The following GRAP2 variants were observed in gnomAD, a reference collection of about 807,000 sequenced individuals.
The protein encoded by GRAP2 is GRB2-related adapter protein 2.
GRAP2 carries 31 observed loss-of-function variants against 43.5 expected under a neutral mutation model. That is an observed-to-expected ratio of 0.71 (90% CI 0.54 to 0.96). GRAP2 has a LOEUF of 0.96. GRAP2 is among the 40% of genes least tolerant of loss of function. The pLI, the probability that GRAP2 is intolerant of heterozygous loss-of-function variation, is 0.00. For missense variants in GRAP2, 371 were observed against 424.4 expected (o/e 0.87, Z 1.11); for synonymous variants, 156 against 164.8 (o/e 0.95, Z 0.41).
intron 1 of GRAP2, among the ~76,000 whole-genome samples, chr22:39,933,280 A>G (rs2066774384): frequency 6.6e-6 from 1 of 152,244 alleles, no homozygotes; most frequent in Non-Finnish European, 1.5e-5. Flanking sequence ...AACCTGCACA[A>G]CCATACATAG....
intron 1 of GRAP2, among the ~76,000 whole-genome samples, chr22:39,906,885 A>G (rs932796480): frequency 4.6e-5 from 7 of 152,338 alleles, no homozygotes; most frequent in Middle Eastern, 3.4e-3. Flanking sequence ...ACTCTTTCTA[A>G]ATAACTAGGA....
chr22:39,927,811 T>C (rs1388295518), intron 1 of GRAP2, among the ~76,000 whole-genome samples: 1 of 152,144 alleles, frequency 6.6e-6, no homozygotes. Context: ...TACAACAGGG[T>C]AAGGGGACCC....
chr22:39,941,949 G>A (rs2066875739), intron 1 of GRAP2, among the ~76,000 whole-genome samples: 1 of 152,046 alleles, frequency 6.6e-6, no homozygotes, highest in Non-Finnish European at 1.5e-5. Context: ...ACAGTGTGCA[G>A]AGCTGGAGGG....
intron 1 of GRAP2, among the ~76,000 whole-genome samples, chr22:39,905,656 A>G (rs1229018500): frequency 3.3e-5 from 5 of 152,188 alleles, no homozygotes; most frequent in African/African-American, 4.8e-5. Flanking sequence ...TAACTCGTCT[A>G]CTTCTTCTAA....
chr22:39,894,096 GAA>G, the GRAP2 span, among the ~76,000 whole-genome samples: 2 of 148,008 alleles, frequency 1.4e-5, no homozygotes, highest in Admixed American at 1.4e-4. Flanking sequence ...ATTAAAAAAA[GAA>G]AAAAAATGCC....
chr22:39,960,264 C>A, intron 4 of GRAP2, 90 bp downstream of exon 4: 2 of 1,269,108 alleles, frequency 1.6e-6, no homozygotes, highest in Non-Finnish European at 2.3e-6. Flanking sequence ...TGGAATATGA[C>A]CCAATGGTCA....
intron 1 of GRAP2, among the ~76,000 whole-genome samples, chr22:39,918,891 C>T (rs1305431505): frequency 1.3e-5 from 2 of 152,136 alleles, no homozygotes; most frequent in East Asian, 3.8e-4. Context: ...ATTTTTATGG[C>T]CATAGTTAAA....
chr22:39,938,676 C>T (rs914346097), intron 1 of GRAP2, among the ~76,000 whole-genome samples: 1 of 152,256 alleles, frequency 6.6e-6, no homozygotes, highest in Admixed American at 6.5e-5. Context: ...CTCCTGCCCA[C>T]GCCTCGGTAT....
chr22:39,915,775 T>G (rs1263963279), intron 1 of GRAP2, among the ~76,000 whole-genome samples: 1 of 152,192 alleles, frequency 6.6e-6, no homozygotes, highest in African/African-American at 2.4e-5. Flanking sequence ...TATTACTGTA[T>G]TATATGACTT....
intron 1 of GRAP2, among the ~76,000 whole-genome samples, chr22:39,915,266 G>T (rs983728186): frequency 2.7e-5 from 4 of 150,782 alleles, no homozygotes; most frequent in Non-Finnish European, 5.9e-5. Context: ...TGTTCTGAAA[G>T]CCACCCTTTT....
At chr22:39,919,752 G>A (rs1218664532) in intron 1 of GRAP2, among the ~76,000 whole-genome samples, 1 of 152,192 alleles carries the variant, frequency 6.6e-6, no homozygotes, top group Non-Finnish European at 1.5e-5. Context: ...TATTTACTAA[G>A]CATCTATCTT....
At chr22:39,952,838 A>C (rs1433134941) in intron 2 of GRAP2, among the ~76,000 whole-genome samples, 1 of 152,178 alleles carries the variant, frequency 6.6e-6, no homozygotes, top group African/African-American at 2.4e-5. Flanking sequence ...AAGAGTCTAC[A>C]CTTTCTGAAG....
At chr22:39,946,613 C>T (rs1259690204) in intron 1 of GRAP2, among the ~76,000 whole-genome samples, 2 of 152,216 alleles carry the variant, frequency 1.3e-5, no homozygotes, top group Non-Finnish European at 2.9e-5. Context: ...GTCTAATTCT[C>T]TTAAATGATT....
At chr22:39,897,613 G>A (rs2066471255), upstream of GRAP2, among the ~76,000 whole-genome samples, 5 of 148,424 alleles carry the variant, frequency 3.4e-5, no homozygotes, top group Admixed American at 3.4e-4. Flanking sequence ...TCCGCCTCCC[G>A]GGTTCAAGCG....
chr22:39,950,956 T>C (rs778994593), intron 2 of GRAP2, among the ~76,000 whole-genome samples: 16 of 152,278 alleles, frequency 1.1e-4, no homozygotes, highest in Non-Finnish European at 2.1e-4. Flanking sequence ...TCTGACTTGT[T>C]TGGCCTTTTG....
At chr22:39,969,774 CA>C (rs1298496005) in intron 7 of GRAP2, among the ~76,000 whole-genome samples, 1 of 152,150 alleles carries the variant, frequency 6.6e-6, no homozygotes, top group East Asian at 1.9e-4. Context: ...ATTAGCCAGG[CA>C]TGGTGGCAGA....
chr22:39,960,150 C>CA lies in GRAP2; in HGVS notation c.267dup (p.Gly90ArgfsTer10). ...ATCATCCGGGCCAGCCAGAGCTCCC[C>CA]AGGGGACTTCTCCATCTCTGTCAGG... On this transcript the variant is annotated frameshift_variant, in exon 4 of 8. Transcript: ENST00000344138. LOFTEE classifies it high-confidence loss of function. 6.2e-7 allele frequency: 1 copy of CA among 1,613,648 alleles called. No homozygotes were observed.
At chr22:39,943,575 G>A (rs569759804) in intron 1 of GRAP2, among the ~76,000 whole-genome samples, 1 of 152,106 alleles carries the variant, frequency 6.6e-6, no homozygotes, top group African/African-American at 2.4e-5. Context: ...TGCTGCTGGA[G>A]GTGGTTTGGC....
Position 39,933,440 on chromosome 22 carries a change from A to T in GRAP2, c.-14-13653A>T, listed in dbSNP as rs114399547. Among the ~76,000 whole-genome samples the T allele has an allele frequency of 2.7e-3, 406 of 152,362 alleles. 1 individual carries two copies. Among genetic ancestry groups the T allele is most frequent in the African/African-American group, 9.2e-3 (381 of 41,590 alleles). On this transcript the variant is annotated intron_variant, in intron 1 of 7. Transcript: ENST00000344138. ...TAATTTTGACAGACAGGATGGGGAA[A>T]GATTGTTGAAGGCCTGAAATGACAA...
Sources: gnomAD v4.1 joint callset for allele counts (sites outside exome capture counted in the v4.1 genomes callset) on GRCh38, gnomAD v4.1.1 for gene constraint, MANE v1.5 for transcripts, NCBI Gene and HGNC (gene_info 2026-07-23, HGNC 2026-07-21) for gene names.